Variants in ATP6V1C1 observed in about 807,000 individuals in gnomAD.
The protein encoded by ATP6V1C1 is ATPase H+ transporting V1 subunit C1.
A neutral mutation model predicts 53.9 loss-of-function variants in ATP6V1C1; 45 were observed. That is an observed-to-expected ratio of 0.83 (90% CI 0.66 to 1.07). ATP6V1C1 has a LOEUF of 1.07. Ranked by LOEUF, ATP6V1C1 falls within the 50% of genes least tolerant of loss-of-function variation. The probability of loss-of-function intolerance (pLI) is 0.00; values close to 1 mark genes in which losing one functional copy is unlikely to be tolerated. For missense variants in ATP6V1C1, 315 were observed against 440.3 expected (o/e 0.72, Z 2.55); for synonymous variants, 153 against 155.2 (o/e 0.99, Z 0.11).
chr8:103,048,909 GGAAGAT>G lies in ATP6V1C1; in HGVS notation c.241_246del (p.Glu81_Asp82del), dbSNP rs751188507. 6.2e-7 allele frequency: 1 copy of G among 1,613,270 alleles called. No homozygotes were observed. The highest frequency in any genetic ancestry group is 8.5e-7 in the Non-Finnish European group (1 of 1,179,654). The stretch of plus-strand genomic sequence containing the variant: ...TAGCTCAATACATGGCTGATGTATT[GGAAGAT>G]AGCAAAGACAAAGTTCAAGAGAATC... On this transcript the variant is annotated inframe_deletion, in exon 4 of 13. Transcript: ENST00000518738.
intron 7 of ATP6V1C1, among the ~76,000 whole-genome samples, chr8:103,054,516 T>C (rs1306060720): frequency 6.6e-6 from 1 of 152,148 alleles, no homozygotes; most frequent in Non-Finnish European, 1.5e-5. Flanking sequence ...ATAGATGATA[T>C]GTGAACGAAT....
intron 3 of ATP6V1C1, among the ~76,000 whole-genome samples, chr8:103,046,219 T>A (rs893306610): frequency 4.5e-4 from 69 of 152,258 alleles, no homozygotes; most frequent in African/African-American, 1.4e-3. Context: ...TTATTTATTT[T>A]TTTTTCAGAG....
chr8:103,041,758 G>A (rs928670774), intron 2 of ATP6V1C1, among the ~76,000 whole-genome samples: 3 of 152,096 alleles, frequency 2.0e-5, no homozygotes, highest in African/African-American at 7.2e-5. Flanking sequence ...TGTAATCCCA[G>A]CTACTTGGGA....
chr8:103,050,170 G>A (rs1431456669), intron 4 of ATP6V1C1, among the ~76,000 whole-genome samples: 2 of 152,096 alleles, frequency 1.3e-5, no homozygotes, highest in Non-Finnish European at 2.9e-5. Flanking sequence ...TGATCTCATT[G>A]TTTGCTGTGT....
chr8:103,054,094 C>A, intron 7 of ATP6V1C1, 112 bp downstream of exon 7: 1 of 746,734 alleles, frequency 1.3e-6, no homozygotes, highest in Non-Finnish European at 2.1e-6. Flanking sequence ...AGGAATATAA[C>A]CTTGCCATTC....
intron 1 of ATP6V1C1, among the ~76,000 whole-genome samples, chr8:103,029,012 T>G (rs1816745497): frequency 6.6e-6 from 1 of 152,130 alleles, no homozygotes; most frequent in Admixed American, 6.5e-5. Flanking sequence ...ATGTAATAAT[T>G]TATTATTTAA....
Position 103,042,357 on chromosome 8 carries a change from C to T in ATP6V1C1, c.150C>T (p.Val50=), listed in dbSNP as rs375980479. 13 of 1,613,114 alleles carry T rather than the reference C, an allele frequency of 8.1e-6. No homozygotes were observed. In the East Asian group the frequency reaches 1.3e-4, roughly 17 times the overall value. The change falls in exon 3 of 13, where the codon GTC becomes GTT. Residue 50 remains valine, a synonymous_variant. Coordinates refer to ENST00000518738, the MANE Select transcript of ATP6V1C1 (RefSeq NM_001695.5). ...IPDLKVGTLD[V]LVGLSDELAK... Reference sequence around the variant, plus strand: ...CCTTTTAGGTTGGCACGTTGGATGTCTTGGTTGGCTTGTCAGATGAACTGG... The same window carrying T: ...CCTTTTAGGTTGGCACGTTGGATGTTTTGGTTGGCTTGTCAGATGAACTGG...
Position 103,062,943 on chromosome 8 carries a change from T to C in ATP6V1C1, c.642-12T>C, listed in dbSNP as rs565700326. On this transcript the variant is annotated splice_polypyrimidine_tract_variant and intron_variant, in intron 8 of 12. Transcript: ENST00000518738. ...GTATAAATCTTTAAATGGACTTTTT[T>C]TTTTTCCATAGTGTTCTTTCAGAGG... 8 of 1,609,010 alleles carry C rather than the reference T, an allele frequency of 5.0e-6. No homozygotes were observed. Among genetic ancestry groups the C allele is most frequent in the Non-Finnish European group, 6.8e-6 (8 of 1,178,240 alleles).
chr8:103,040,994 A>G (rs1192564928), intron 2 of ATP6V1C1, 26 bp downstream of exon 2: 7 of 1,603,522 alleles, frequency 4.4e-6, no homozygotes, highest in East Asian at 2.3e-5. Flanking sequence ...GCAAAATTAT[A>G]TATGAGTTCA....
intron 12 of ATP6V1C1, among the ~76,000 whole-genome samples, chr8:103,066,690 G>A (rs980442174): frequency 6.6e-6 from 1 of 152,134 alleles, no homozygotes; most frequent in African/African-American, 2.4e-5. Context: ...CTGTGTATCA[G>A]ATGTTTATAG....
At chr8:103,042,282 C>CT in intron 2 of ATP6V1C1, 58 bp from the exon 3 acceptor site, 2 of 1,434,830 alleles carry the variant, frequency 1.4e-6, no homozygotes, top group Non-Finnish European at 1.9e-6. Flanking sequence ...GATGAATCAT[C>CT]TTGTTTTTTT....
rs1817243849 is a variant in ATP6V1C1, at chr8:103,053,873, T to G, written c.474-11T>G. ...TAATTATCAGCCTAATGATTTGTTT[T>G]AATTCCTCAGAGGAAGTTTGCTAAC... On this transcript the variant is annotated splice_polypyrimidine_tract_variant and intron_variant, in intron 6 of 12. Coordinates refer to ENST00000518738, the MANE Select transcript of ATP6V1C1 (RefSeq NM_001695.5). 1 of 1,597,868 alleles carries G rather than the reference T, an allele frequency of 6.3e-7. No individual in the cohort carries two copies. The highest frequency in any genetic ancestry group is 8.6e-7 in the Non-Finnish European group (1 of 1,167,778).
intron 1 of ATP6V1C1, among the ~76,000 whole-genome samples, chr8:103,025,471 A>G (rs1816680258): frequency 6.6e-6 from 1 of 152,258 alleles, no homozygotes; most frequent in Non-Finnish European, 1.5e-5. Context: ...GTTAAAAGTA[A>G]TATTTTAATA....
At chr8:103,026,642 G>A (rs1248966129) in intron 1 of ATP6V1C1, among the ~76,000 whole-genome samples, 1 of 152,068 alleles carries the variant, frequency 6.6e-6, no homozygotes, top group Non-Finnish European at 1.5e-5. Flanking sequence ...GTGAAACCCT[G>A]TCTCTACTGA....
chr8:103,026,310 G>A (rs886669373), intron 1 of ATP6V1C1, among the ~76,000 whole-genome samples: 4 of 152,182 alleles, frequency 2.6e-5, no homozygotes, highest in African/African-American at 9.7e-5. Context: ...GTGAAAGTAA[G>A]GCTTTGCTTT....
chr8:103,047,081 A>G (rs752591266), intron 3 of ATP6V1C1, among the ~76,000 whole-genome samples: 6 of 152,228 alleles, frequency 3.9e-5, no homozygotes, highest in Non-Finnish European at 7.3e-5. Flanking sequence ...TTTTGGAGAC[A>G]TAGGCAAGTA....
chr8:103,032,001 TA>T (rs58257930), intron 1 of ATP6V1C1, among the ~76,000 whole-genome samples: 16,494 of 109,586 alleles, frequency 0.15, 1,798 homozygotes, highest in African/African-American at 0.32. Context: ...GCATATATTG[TA>T]AAAAAAAAAC....
intron 7 of ATP6V1C1, 104 bp from the exon 8 acceptor site, chr8:103,055,764 T>TAAGTA (rs1222009626): frequency 2.8e-6 from 3 of 1,058,648 alleles, no homozygotes; most frequent in Non-Finnish European, 4.2e-6. Context: ...GTATACTTAC[T>TAAGTA]ATAGCCAGAT....
chr8:103,064,833 A>T, intron 11 of ATP6V1C1, 22 bp downstream of exon 11: 1 of 1,603,938 alleles, frequency 6.2e-7, no homozygotes, highest in Non-Finnish European at 8.5e-7. Flanking sequence ...TAATTGCCAA[A>T]CTTGGAACTG....
Sources: allele counts gnomAD v4.1 joint callset (sites outside exome capture counted in the v4.1 genomes callset), GRCh38; gene constraint gnomAD v4.1.1; transcripts MANE v1.5; gene names NCBI Gene and HGNC (gene_info 2026-07-23, HGNC 2026-07-21).